The following CTNNA3 variants were observed in gnomAD, a reference collection of about 807,000 sequenced individuals.
The protein encoded by CTNNA3 is catenin alpha-3.
CTNNA3 carries 76 observed loss-of-function variants against 95.7 expected under a neutral mutation model. The ratio of observed to expected loss-of-function variants is 0.79; its 90% CI spans 0.66 to 0.96. CTNNA3 has a LOEUF of 0.96. Among genes scored for constraint, CTNNA3 ranks in the 40% least tolerant of loss-of-function variants. The probability of loss-of-function intolerance (pLI) is 0.00; values close to 1 mark genes in which losing one functional copy is unlikely to be tolerated. For synonymous variants in CTNNA3, 431 were observed against 374.4 expected, an observed-to-expected ratio of 1.15 and a Z score of -1.74; for missense variants, 1,191 against 1,089.8, an observed-to-expected ratio of 1.09 and a Z score of -1.31.
intron 4 of CTNNA3, among the ~76,000 whole-genome samples, chr10:67,534,187 A>T (rs1199484275): frequency 1.3e-5 from 2 of 152,056 alleles, no homozygotes; most frequent in African/African-American, 2.4e-5. Flanking sequence ...GGGGAAAAAA[A>T]GTGTGTTCCC....
chr10:67,451,115 C>CTTTAT (rs1846963835), intron 5 of CTNNA3, among the ~76,000 whole-genome samples: 1 of 152,012 alleles, frequency 6.6e-6, no homozygotes, highest in East Asian at 1.9e-4. Flanking sequence ...GAGTGGGCTC[C>CTTTAT]TGATAAAGGA....
At chr10:66,949,587 G>A (rs1387097488) in intron 7 of CTNNA3, among the ~76,000 whole-genome samples, 2 of 151,474 alleles carry the variant, frequency 1.3e-5, no homozygotes, top group African/African-American at 4.8e-5. Context: ...AGTCACTATG[G>A]CCAATATGAA....
At chr10:66,917,491 T>C (rs1452034281) in intron 7 of CTNNA3, among the ~76,000 whole-genome samples, 1 of 152,224 alleles carries the variant, frequency 6.6e-6, no homozygotes, top group African/African-American at 2.4e-5. Context: ...TTGCAAACTA[T>C]GCAGGGATTC....
intron 9 of CTNNA3, among the ~76,000 whole-genome samples, chr10:66,643,695 C>T (rs537599627): frequency 1.3e-5 from 2 of 152,224 alleles, no homozygotes; most frequent in East Asian, 1.9e-4. Context: ...TGCTGCAAAC[C>T]GAAGGTTACT....
rs530234322 is a variant in CTNNA3, at chr10:66,845,470, G to A, written c.1048-69946C>T. ...CGTAATCCCAGCACTTTGGGAGGCCGAGGCAGGTGGATCACCTGAGGTCGG... is the reference window on the plus strand; with the variant it reads ...CGTAATCCCAGCACTTTGGGAGGCCAAGGCAGGTGGATCACCTGAGGTCGG... On this transcript the variant is annotated intron_variant, in intron 7 of 17. Coordinates refer to ENST00000433211, the MANE Select transcript of CTNNA3 (RefSeq NM_013266.4). Among the ~76,000 whole-genome samples, 52 of 151,994 alleles carry A rather than the reference G, an allele frequency of 3.4e-4. No individual in the cohort carries two copies. The South Asian group carries it at 9.2e-3, about 27-fold the overall frequency.
At chr10:66,717,480 G>A (rs1848489383) in intron 9 of CTNNA3, among the ~76,000 whole-genome samples, 1 of 152,154 alleles carries the variant, frequency 6.6e-6, no homozygotes, top group Non-Finnish European at 1.5e-5. Flanking sequence ...TGCAGAGGCT[G>A]TGTTATCACA....
At chr10:66,873,806 A>G (rs1303730083) in intron 7 of CTNNA3, among the ~76,000 whole-genome samples, 1 of 152,180 alleles carries the variant, frequency 6.6e-6, no homozygotes, top group East Asian at 1.9e-4. Context: ...GCTATTAAAA[A>G]TCTAGAAGAA....
intron 5 of CTNNA3, among the ~76,000 whole-genome samples, chr10:67,225,598 G>T (rs1243633190): frequency 6.6e-6 from 1 of 152,136 alleles, no homozygotes; most frequent in Non-Finnish European, 1.5e-5. Flanking sequence ...TAGACTTGCT[G>T]GGTGGCTAGA....
chr10:66,453,626 C>T (rs1564979195), intron 11 of CTNNA3, among the ~76,000 whole-genome samples: 2 of 152,150 alleles, frequency 1.3e-5, no homozygotes, highest in Non-Finnish European at 2.9e-5. Context: ...AGGAACAGAC[C>T]ACCTCTCAGG....
chr10:67,606,760 C>G, intron 3 of CTNNA3, 97 bp downstream of exon 3: 1 of 982,700 alleles, frequency 1.0e-6, no homozygotes, highest in Admixed American at 2.3e-5. Flanking sequence ...GACTAAAAAA[C>G]TGGAGCCAAC....
intron 9 of CTNNA3, among the ~76,000 whole-genome samples, chr10:66,720,667 T>C (rs1848599712): frequency 6.6e-6 from 1 of 151,966 alleles, no homozygotes; most frequent in Admixed American, 6.6e-5. Flanking sequence ...CCCCCATCTC[T>C]ACTAAAAATA....
intron 7 of CTNNA3, among the ~76,000 whole-genome samples, chr10:67,155,210 C>G (rs1391538083): frequency 6.6e-6 from 1 of 152,004 alleles, no homozygotes; most frequent in Non-Finnish European, 1.5e-5. Flanking sequence ...AACAGAAGCT[C>G]AATAAATATT....
intron 2 of CTNNA3, 86 bp from the exon 3 acceptor site, chr10:67,607,135 A>C: frequency 1.8e-5 from 20 of 1,091,656 alleles, no homozygotes; most frequent in Non-Finnish European, 2.2e-5. Flanking sequence ...AACAAAAGAC[A>C]GTACAGTTGA....
intron 7 of CTNNA3, among the ~76,000 whole-genome samples, chr10:67,076,069 T>C (rs1456478696): frequency 6.6e-6 from 1 of 152,212 alleles, no homozygotes; most frequent in African/African-American, 2.4e-5. Flanking sequence ...CATTTCACAT[T>C]TTTAGCAGCA....
At chr10:67,138,866 C>A (rs534785531) in intron 7 of CTNNA3, among the ~76,000 whole-genome samples, 1 of 152,240 alleles carries the variant, frequency 6.6e-6, no homozygotes, top group South Asian at 2.1e-4. Flanking sequence ...TTTCCTAAGT[C>A]ATCCATCTAT....
chr10:66,074,131 A>G (rs1362899608), intron 14 of CTNNA3, among the ~76,000 whole-genome samples: 1 of 151,990 alleles, frequency 6.6e-6, no homozygotes, highest in African/African-American at 2.4e-5. Context: ...TTTTGTATTC[A>G]GCACTTAAGT....
At chr10:67,279,619 G>A (rs1190226605) in intron 5 of CTNNA3, among the ~76,000 whole-genome samples, 2 of 139,666 alleles carry the variant, frequency 1.4e-5, no homozygotes, top group African/African-American at 2.8e-5. Context: ...TAGCTACGGG[G>A]AGATATTTAA....
intron 7 of CTNNA3, among the ~76,000 whole-genome samples, chr10:67,081,272 T>C (rs1177382793): frequency 1.3e-5 from 2 of 152,202 alleles, no homozygotes; most frequent in African/African-American, 4.8e-5. Flanking sequence ...TTCAGGTATA[T>C]ACTGAACAGT....
intron 8 of CTNNA3, among the ~76,000 whole-genome samples, chr10:66,767,525 AG>A (rs1357885850): frequency 6.6e-6 from 1 of 152,002 alleles, no homozygotes; most frequent in Non-Finnish European, 1.5e-5. Flanking sequence ...ATGGGCCCAA[AG>A]GTTTTTGAGT....
Sources: gnomAD v4.1 joint callset for allele counts (sites outside exome capture counted in the v4.1 genomes callset) on GRCh38, gnomAD v4.1.1 for gene constraint, MANE v1.5 for transcripts, NCBI Gene and HGNC (gene_info 2026-07-23, HGNC 2026-07-21) for gene names.